Variants in TMEM132C observed in about 807,000 individuals in gnomAD.
The protein encoded by TMEM132C is protein phosphatase 1, regulatory subunit 152.
Under a neutral mutation model 61.4 loss-of-function variants are expected in TMEM132C, and 29 were observed. That is an observed-to-expected ratio of 0.47 (90% CI 0.35 to 0.64). The LOEUF is 0.64. Ranked by LOEUF, TMEM132C falls within the 30% of genes least tolerant of loss-of-function variation. TMEM132C has a pLI of 0.00. For synonymous variants in TMEM132C, 656 were observed against 633.1 expected (o/e 1.04, Z -0.54); for missense variants, 1,408 against 1,476.9 (o/e 0.95, Z 0.76).
intron 4 of TMEM132C, among the ~76,000 whole-genome samples, chr12:128,622,360 A>AAAAAATATATATATATATATATAT (rs1277080166): frequency 3.3e-5 from 1 of 30,116 alleles, no homozygotes; most frequent in Non-Finnish European, 5.5e-5. Context: ...AAAAAAAAAA[A>AAAAAATATATATATATATATATAT]ATATATATAT....
At chr12:128,583,394 A>C in intron 3 of TMEM132C, among the ~76,000 whole-genome samples, 1 of 61,148 alleles carries the variant, frequency 1.6e-5, no homozygotes, top group Non-Finnish European at 4.6e-5. Flanking sequence ...ATATTGGTCA[A>C]AAAAAAAAAA....
intron 2 of TMEM132C, among the ~76,000 whole-genome samples, chr12:128,503,122 GA>G (rs1872237421): frequency 6.6e-6 from 1 of 152,224 alleles, no homozygotes; most frequent in African/African-American, 2.4e-5. Context: ...CCTTACTTTC[GA>G]TGCTCTCCAC....
rs537506157 is a variant in TMEM132C at position 128,428,234 on chromosome 12, A to C, written c.974+12614A>C. On this transcript the variant is annotated intron_variant, in intron 2 of 8. Transcript: ENST00000435159. ...CTAACTGACTTAGACTTAAAAAGGA[A>C]TTTTTTTTCCCTATAAAACTTTTGG... Among the ~76,000 whole-genome samples the C allele has an allele frequency of 1.0e-4, 7 of 67,144 alleles. No individual in the cohort carries two copies. In the South Asian group the frequency reaches 3.2e-3, roughly 30 times the overall value. 44.0% of individuals were successfully genotyped at this position (67,144 alleles called of 152,430 possible).
At chr12:128,367,557 C>T (rs547662679) in intron 1 of TMEM132C, among the ~76,000 whole-genome samples, 2 of 152,272 alleles carry the variant, frequency 1.3e-5, no homozygotes, top group South Asian at 4.1e-4. Context: ...GGCTCTGGCA[C>T]TGCCCCTAGC....
intron 1 of TMEM132C, among the ~76,000 whole-genome samples, chr12:128,383,364 C>T (rs1372093306): frequency 6.6e-6 from 1 of 152,208 alleles, no homozygotes; most frequent in African/African-American, 2.4e-5. Flanking sequence ...TTCACTTCCA[C>T]AAGCAGTGAA....
At chr12:128,325,189 C>CT (rs1363133768) in intron 1 of TMEM132C, among the ~76,000 whole-genome samples, 1 of 152,188 alleles carries the variant, frequency 6.6e-6, no homozygotes, top group East Asian at 1.9e-4. Flanking sequence ...ACAGTAAGTG[C>CT]TAGTGCTGCT....
intron 5 of TMEM132C, among the ~76,000 whole-genome samples, chr12:128,681,312 T>C (rs1282156744): frequency 6.6e-6 from 1 of 152,182 alleles, no homozygotes; most frequent in African/African-American, 2.4e-5. Context: ...TTTATGTTTC[T>C]CCTCTTGTCC....
intron 1 of TMEM132C, among the ~76,000 whole-genome samples, chr12:128,389,631 A>G (rs4882755): frequency 0.34 from 51,089 of 151,860 alleles, 8,842 homozygotes; most frequent in East Asian, 0.5. Context: ...CATCATGAAA[A>G]GCCTCCATGA....
chr12:128,602,040 C>A (rs1273906952), intron 3 of TMEM132C, among the ~76,000 whole-genome samples: 1 of 152,034 alleles, frequency 6.6e-6, no homozygotes, highest in Non-Finnish European at 1.5e-5. Flanking sequence ...GACCCTCTCT[C>A]TATAAAAAAT....
intron 2 of TMEM132C, among the ~76,000 whole-genome samples, chr12:128,504,933 AAAAAG>A (rs1174692890): frequency 1.5e-5 from 2 of 130,046 alleles, no homozygotes; most frequent in African/African-American, 2.5e-5. Flanking sequence ...ATGATAGAAA[AAAAAG>A]AAAAGAAAAC....
chr12:128,477,866 G>A (rs1272862122), intron 2 of TMEM132C, among the ~76,000 whole-genome samples: 1 of 152,146 alleles, frequency 6.6e-6, no homozygotes, highest in African/African-American at 2.4e-5. Context: ...ATAGGCGTGA[G>A]CCACCATGGC....
intron 2 of TMEM132C, chr12:128,438,944 T>C (rs1869688804): frequency 6.6e-6 from 1 of 152,188 alleles, no homozygotes; most frequent in South Asian, 2.1e-4. Flanking sequence ...CCAGTTCTCC[T>C]GGGTCTGCTG....
chr12:128,675,416 C>CT (rs1954573716), intron 5 of TMEM132C, among the ~76,000 whole-genome samples: 1 of 152,206 alleles, frequency 6.6e-6, no homozygotes, highest in South Asian at 2.1e-4. Context: ...AGAAGGGATT[C>CT]TAACTAGAAG....
At chr12:128,604,832 G>A (rs193005926) in intron 3 of TMEM132C, among the ~76,000 whole-genome samples, 1 of 131,560 alleles carries the variant, frequency 7.6e-6, no homozygotes. Context: ...ATGGATAATA[G>A]ATGGATAGAT....
At chr12:128,675,357 C>G (rs925836228) in intron 5 of TMEM132C, among the ~76,000 whole-genome samples, 1 of 152,152 alleles carries the variant, frequency 6.6e-6, no homozygotes, top group African/African-American at 2.4e-5. Flanking sequence ...AACTGAGGCT[C>G]AGCAAATGGA....
intron 2 of TMEM132C, among the ~76,000 whole-genome samples, chr12:128,517,995 G>A (rs1046744256): frequency 6.6e-6 from 1 of 152,214 alleles, no homozygotes. Context: ...ATGTTGCATT[G>A]AAAGTTTCAG....
At chr12:128,514,327 A>G (rs2136121236) in intron 2 of TMEM132C, among the ~76,000 whole-genome samples, 1 of 152,306 alleles carries the variant, frequency 6.6e-6, no homozygotes, top group South Asian at 2.1e-4. Context: ...CACCTTCCCG[A>G]TACGGTCTCC....
chr12:128,319,126 C>A (rs7306120), intron 1 of TMEM132C, among the ~76,000 whole-genome samples: 10 of 152,036 alleles, frequency 6.6e-5, no homozygotes, highest in Non-Finnish European at 1.5e-4. Context: ...AGGATCTGGA[C>A]TCTCTGCTCG....
chr12:128,480,339 A>C (rs1290175825), intron 2 of TMEM132C, among the ~76,000 whole-genome samples: 1 of 152,214 alleles, frequency 6.6e-6, no homozygotes, highest in Non-Finnish European at 1.5e-5. Context: ...ATTATTCTGC[A>C]TGGACCTTCT....
Sources: allele counts gnomAD v4.1 joint callset (sites outside exome capture counted in the v4.1 genomes callset), GRCh38; gene constraint gnomAD v4.1.1; transcripts MANE v1.5; gene names NCBI Gene and HGNC (gene_info 2026-07-23, HGNC 2026-07-21).